CAPZA2: variants seen among roughly 807,000 people sequenced by gnomAD.
CAPZA2 encodes F-actin-capping protein subunit alpha-2.
CAPZA2 carries 13 observed loss-of-function variants against 44.0 expected under a neutral mutation model. The observed-to-expected ratio is 0.30, with a 90% CI of 0.19 to 0.47. The LOEUF (loss-of-function observed/expected upper bound fraction) is 0.47, where lower values mean the gene tolerates loss of function less well. Ranked by LOEUF, CAPZA2 falls within the 20% of genes least tolerant of loss-of-function variation. The pLI, the probability that CAPZA2 is intolerant of heterozygous loss-of-function variation, is 1.00. For missense variants in CAPZA2, 244 were observed against 338.6 expected (o/e 0.72, Z 2.19); for synonymous variants, 94 against 108.2 (o/e 0.87, Z 0.81).
chr7:116,881,583 C>T (rs972022120), intron 1 of CAPZA2, among the ~76,000 whole-genome samples: 7 of 151,580 alleles, frequency 4.6e-5, no homozygotes, highest in South Asian at 4.2e-4. Context: ...ACTAAAAATA[C>T]AAAAAATTAG....
At chr7:116,893,165 C>G in intron 3 of CAPZA2, 120 bp downstream of exon 3, 1 of 543,228 alleles carries the variant, frequency 1.8e-6, no homozygotes, top group South Asian at 2.9e-5. Context: ...GAGTCTCACT[C>G]TGTCGTCCAG....
rs34989681 is a variant in CAPZA2, at chr7:116,921,380, CA to C, written c.*3527del. On this transcript the variant is annotated 3_prime_UTR_variant, in exon 10 of 10. Coordinates refer to ENST00000361183, the MANE Select transcript of CAPZA2 (RefSeq NM_006136.3). Reference sequence around the variant, plus strand: ...CTGGCGACAGAGCGAGACTCTGTCCCAAAAAAAAAAAAAAGTGGTGGGCTGG... The same window carrying C: ...CTGGCGACAGAGCGAGACTCTGTCCCAAAAAAAAAAAAAGTGGTGGGCTGG... The C allele has an allele frequency of 1.3e-3, 180 of 135,880 alleles. No individual in the cohort carries two copies. Among genetic ancestry groups the C allele is most frequent in the Non-Finnish European group, 1.3e-3 (81 of 62,114 alleles). 8.4% of individuals were successfully genotyped at this position (135,880 alleles called of 1,614,324 possible).
Position 116,918,645 on chromosome 7 carries a change from A to T in CAPZA2, c.*778A>T, listed in dbSNP as rs1442294625. ...CAAATTGTAATATATATAATCCTGA[A>T]CTCATGACCATGTCTCGGTTTATTT... On this transcript the variant is annotated 3_prime_UTR_variant, in exon 10 of 10. Transcript: ENST00000361183. 2 of 152,346 alleles carry T rather than the reference A, an allele frequency of 1.3e-5. No individual in the cohort carries two copies. The highest frequency in any genetic ancestry group is 3.8e-4 in the East Asian group (2 of 5,206). 9.4% of individuals were successfully genotyped at this position (152,346 alleles called of 1,614,324 possible).
intron 1 of CAPZA2, among the ~76,000 whole-genome samples, chr7:116,867,507 A>T (rs749139022): frequency 6.6e-6 from 1 of 152,080 alleles, no homozygotes. Flanking sequence ...TGACATTTTC[A>T]ATACGTATTG....
intron 1 of CAPZA2, among the ~76,000 whole-genome samples, chr7:116,882,126 G>C (rs1210381801): frequency 6.6e-6 from 1 of 152,172 alleles, no homozygotes; most frequent in Non-Finnish European, 1.5e-5. Context: ...TGTATGGCGA[G>C]TTTCCTCAAT....
At chr7:116,868,544 C>G (rs1335168491) in intron 1 of CAPZA2, among the ~76,000 whole-genome samples, 1 of 152,102 alleles carries the variant, frequency 6.6e-6, no homozygotes, top group Non-Finnish European at 1.5e-5. Context: ...ACCAGCCTGG[C>G]CAACATGGTG....
intron 8 of CAPZA2, chr7:116,915,415 CG>C (rs1791667224): frequency 6.6e-6 from 1 of 151,948 alleles, no homozygotes; most frequent in African/African-American, 2.4e-5. Context: ...AGTTTGTGCT[CG>C]TTTTTTTAGG....
chr7:116,907,376 T>C (rs1471469906), intron 6 of CAPZA2, among the ~76,000 whole-genome samples: 1 of 152,160 alleles, frequency 6.6e-6, no homozygotes, highest in Non-Finnish European at 1.5e-5. Flanking sequence ...AAGTGTAGTT[T>C]CTCTGTGTTG....
chr7:116,867,780 C>T (rs1170609580), intron 1 of CAPZA2, among the ~76,000 whole-genome samples: 2 of 152,040 alleles, frequency 1.3e-5, no homozygotes, highest in Non-Finnish European at 2.9e-5. Context: ...GACAGGGTTT[C>T]GCTATGTTGC....
chr7:116,877,250 T>C (rs1439193108), intron 1 of CAPZA2, among the ~76,000 whole-genome samples: 4 of 152,246 alleles, frequency 2.6e-5, no homozygotes, highest in Admixed American at 1.3e-4. Context: ...CTAAATAATA[T>C]ACCAAGAAGT....
At chr7:116,902,457 A>G (rs1797007574) in intron 4 of CAPZA2, among the ~76,000 whole-genome samples, 1 of 152,142 alleles carries the variant, frequency 6.6e-6, no homozygotes, top group African/African-American at 2.4e-5. Flanking sequence ...GAAAAGCCAT[A>G]CTTAGTTTTA....
At chr7:116,865,177 C>CTCTTTTTT (rs1785732917) in intron 1 of CAPZA2, among the ~76,000 whole-genome samples, 1 of 87,988 alleles carries the variant, frequency 1.1e-5, no homozygotes, top group Non-Finnish European at 2.2e-5. Flanking sequence ...GCGCTCTCTT[C>CTCTTTTTT]TTTTTTTTTT....
intron 2 of CAPZA2, among the ~76,000 whole-genome samples, chr7:116,890,509 TA>T (rs1159101707): frequency 0.26 from 7,720 of 29,222 alleles, 1,264 homozygotes; most frequent in East Asian, 0.62. Flanking sequence ...TGTCTCTACT[TA>T]AAAAAAAAAA....
intron 6 of CAPZA2, among the ~76,000 whole-genome samples, chr7:116,908,736 C>A (rs1475792983): frequency 2.0e-5 from 3 of 151,906 alleles, no homozygotes; most frequent in Admixed American, 2.0e-4. Context: ...GGCACTAATA[C>A]CTCAATAAAA....
rs567567558 is a variant in CAPZA2 at position 116,922,037 on chromosome 7, A to G, written c.*4170A>G. On this transcript the variant is annotated 3_prime_UTR_variant, in exon 10 of 10. Transcript: ENST00000361183. ...AATAGTAGTAAGAGCATTAAAAAAA[A>G]GATGTCCTGGAAGTTCTCGTTCATT... is the stretch of plus-strand genomic sequence containing the variant. 5.9e-5 allele frequency: 9 copies of G among 152,338 alleles called. No homozygotes were observed. In the East Asian group the frequency reaches 1.7e-3, roughly 29 times the overall value. The allele number at this position is 152,338 out of a possible 1,614,324, so 9.4% of individuals were successfully genotyped here.
intron 1 of CAPZA2, among the ~76,000 whole-genome samples, chr7:116,866,815 G>A (rs986159231): frequency 3.3e-5 from 5 of 152,092 alleles, no homozygotes; most frequent in African/African-American, 1.2e-4. Flanking sequence ...CCTGATTACT[G>A]GTCAGATTTT....
chr7:116,871,015 T>C (rs1164936823), intron 1 of CAPZA2, among the ~76,000 whole-genome samples: 1 of 152,114 alleles, frequency 6.6e-6, no homozygotes, highest in Non-Finnish European at 1.5e-5. Context: ...GATACGGAGA[T>C]AGAGAAACAG....
chr7:116,901,886 T>TGTGTGTGA, intron 4 of CAPZA2, among the ~76,000 whole-genome samples: 1 of 148,432 alleles, frequency 6.7e-6, no homozygotes, highest in African/African-American at 2.5e-5. Context: ...AAGAAATGTG[T>TGTGTGTGA]GTGTGTGTGT....
chr7:116,909,969 T>G, intron 6 of CAPZA2: 1 of 434,780 alleles, frequency 2.3e-6, no homozygotes, highest in South Asian at 2.2e-5. Flanking sequence ...CCAGCCTGAA[T>G]TGTATTTTAA....
Sources: allele counts gnomAD v4.1 joint callset (sites outside exome capture counted in the v4.1 genomes callset), GRCh38; gene constraint gnomAD v4.1.1; transcripts MANE v1.5; gene names NCBI Gene and HGNC (gene_info 2026-07-23, HGNC 2026-07-21).